Variants in KCTD12 observed in about 807,000 individuals in gnomAD.
KCTD12 encodes potassium channel tetramerization domain containing 12.
In KCTD12, 16 loss-of-function variants were observed where a neutral mutation model predicts 22.6. That is an observed-to-expected ratio of 0.71 (90% CI 0.48 to 1.07). The LOEUF (loss-of-function observed/expected upper bound fraction) is 1.07. Ranked by LOEUF, KCTD12 falls within the 50% of genes least tolerant of loss-of-function variation. The pLI is 0.00. For synonymous variants in KCTD12, 260 were observed against 228.0 expected (o/e 1.14, Z -1.26); for missense variants, 452 against 469.2 (o/e 0.96, Z 0.34).
In KCTD12 at chr13:76,884,348, C is replaced by T. The variant is rs2033237064; in HGVS notation, c.*823G>A. 6.6e-6 allele frequency: 1 copy of T among 152,212 alleles called. No homozygotes were observed. The highest frequency in any genetic ancestry group is 1.5e-5 in the Non-Finnish European group (1 of 68,050). The allele number at this position is 152,212 out of a possible 1,614,324, so 9.4% of individuals were successfully genotyped here. A position where few individuals can be genotyped will look rare whatever the true frequency, so the allele number is the denominator to read the frequency against. On this transcript the variant is annotated 3_prime_UTR_variant, in exon 1 of 1. Transcript: ENST00000377474. Reference sequence around the variant, plus strand: ...GCCTTGCACTCTTAGGCGGCAGCGTCCTTTCTCCCTCTTGCCAGTAACTGC... The same window carrying T: ...GCCTTGCACTCTTAGGCGGCAGCGTTCTTTCTCCCTCTTGCCAGTAACTGC...
At position 76,886,161 on chromosome 13, in the gene KCTD12, G is replaced by T. The variant is rs1566376132; in HGVS notation, c.-13C>A. 1 of 1,479,264 alleles carries T rather than the reference G, an allele frequency of 6.8e-7. No homozygotes were observed. Among genetic ancestry groups the T allele is most frequent in the East Asian group, 2.6e-5 (1 of 37,886 alleles). 91.6% of individuals were successfully genotyped at this position (1,479,264 alleles called of 1,614,324 possible). On this transcript the variant is annotated 5_prime_UTR_variant, in exon 1 of 1. Coordinates refer to ENST00000377474, the MANE Select transcript of KCTD12 (RefSeq NM_138444.4). Reference sequence around the variant, plus strand: ...CCGCCAGAGCCATGACAGAGAGGTGGCCGGGCCGGGACAGTGGCAGGAAGC... The same window carrying T: ...CCGCCAGAGCCATGACAGAGAGGTGTCCGGGCCGGGACAGTGGCAGGAAGC...
rs1415838074 is a variant in KCTD12, at chr13:76,886,221, G to A, written c.-73C>T. Reference sequence around the variant, plus strand: ...CTCAGGAGCTGCAACCGCCTTCCCCGGAGCCCCGGAACCCGGACGCTCGCT... The same window carrying A: ...CTCAGGAGCTGCAACCGCCTTCCCCAGAGCCCCGGAACCCGGACGCTCGCT... On this transcript the variant is annotated 5_prime_UTR_variant, in exon 1 of 1. Transcript: ENST00000377474. 2.2e-5 allele frequency: 30 copies of A among 1,380,886 alleles called. No homozygotes were observed. The East Asian group carries it at 3.0e-4, about 14-fold the overall frequency. 85.5% of individuals were successfully genotyped at this position (1,380,886 alleles called of 1,614,324 possible).
rs2033217922 is a variant in KCTD12, at chr13:76,882,753, AAACTCAAC to A, written c.*2410_*2417del. 2 of 114,974 alleles carry A rather than the reference AAACTCAAC, an allele frequency of 1.7e-5. No individual in the cohort carries two copies. Among genetic ancestry groups the A allele is most frequent in the African/African-American group, 9.8e-5 (2 of 20,508 alleles). 7.1% of individuals were successfully genotyped at this position (114,974 alleles called of 1,614,324 possible). ...CTGATGCATTACTTAGTCTGAGACC[AAACTCAAC>A]ATACAAGCAAGCACAACTTCCTAGA... On this transcript the variant is annotated 3_prime_UTR_variant, in exon 1 of 1. Coordinates refer to ENST00000377474, the MANE Select transcript of KCTD12 (RefSeq NM_138444.4).
In KCTD12 at chr13:76,886,226, C is replaced by G; in HGVS notation, c.-78G>C. The G allele has an allele frequency of 7.3e-7, 1 of 1,375,480 alleles. No homozygotes were observed. The highest frequency in any genetic ancestry group is 9.3e-7 in the Non-Finnish European group (1 of 1,072,406). 85.2% of individuals were successfully genotyped at this position (1,375,480 alleles called of 1,614,324 possible). On this transcript the variant is annotated 5_prime_UTR_variant, in exon 1 of 1. Transcript: ENST00000377474. ...GAGCTGCAACCGCCTTCCCCGGAGC[C>G]CCGGAACCCGGACGCTCGCTCAGCC...
chr13:76,885,010 T>C lies in KCTD12; in HGVS notation c.*161A>G, dbSNP rs1485216453. 3 of 733,372 alleles carry C rather than the reference T, an allele frequency of 4.1e-6. No individual in the cohort carries two copies. Among genetic ancestry groups the C allele is most frequent in the African/African-American group, 1.8e-5 (1 of 56,600 alleles). The allele number at this position is 733,372 out of a possible 1,614,324, so 45.4% of individuals were successfully genotyped here. A position where few individuals can be genotyped will look rare whatever the true frequency, so the allele number is the denominator to read the frequency against. On this transcript the variant is annotated 3_prime_UTR_variant, in exon 1 of 1. Coordinates refer to ENST00000377474, the MANE Select transcript of KCTD12 (RefSeq NM_138444.4). The surrounding 1 kb of genome is among the most constrained non-coding windows in gnomAD (Gnocchi z 5.1). The stretch of plus-strand genomic sequence containing the variant: ...AGAGGATTTGCGGCTGCAGGTTCTG[T>C]AGTGGAGGGAAGGTGGGCGGACAGG...
rs1381821580 is a variant in KCTD12 at position 76,885,885 on chromosome 13, G to A, written c.264C>T (p.Leu88=). ...GCAGGTAATCCAGGATGTAGCGGAAGAGGAAGCCGTCCCGGTCCAGAAAGA... is the reference window on the plus strand; with the variant it reads ...GCAGGTAATCCAGGATGTAGCGGAAAAGGAAGCCGTCCCGGTCCAGAAAGA... The part of the protein sequence containing the change: ...GRFFLDRDGF[L]FRYILDYLRD... The change falls in exon 1 of 1, where the codon CTC becomes CTT. Residue 88 remains leucine (L), a synonymous_variant. Transcript: ENST00000377474. This position sits in a 1 kb window ranked among gnomAD's most constrained non-coding sequence, Gnocchi z 5.1. 3 of 1,597,254 alleles carry A rather than the reference G, an allele frequency of 1.9e-6. No homozygotes were observed. The highest frequency in any genetic ancestry group is 1.3e-5 in the African/African-American group (1 of 74,874).
chr13:76,885,945 C>G lies in KCTD12; in HGVS notation c.204G>C (p.Gln68His), dbSNP rs116710456. Residue 68 changes from glutamine to histidine, a missense_variant, in exon 1 of 1, where the codon CAG becomes CAC. By Grantham distance (24) the Gln-to-His change is conservative. Coordinates refer to ENST00000377474, the MANE Select transcript of KCTD12 (RefSeq NM_138444.4). The surrounding 1 kb of genome is among the most constrained non-coding windows in gnomAD (Gnocchi z 5.1). The part of the protein sequence containing the change: ...SLLWRMFTQQ[Q>H]PQELARDSKG... ...TGCTGTCCCGGGCCAGCTCCTGCGGCTGCTGCTGCGTGAACATGCGCCAGA... is the reference window on the plus strand; with the variant it reads ...TGCTGTCCCGGGCCAGCTCCTGCGGGTGCTGCTGCGTGAACATGCGCCAGA... 5 of 1,591,238 alleles carry G rather than the reference C, an allele frequency of 3.1e-6. No homozygotes were observed. The highest frequency in any genetic ancestry group is 4.3e-6 in the Non-Finnish European group (5 of 1,176,464).
rs1486346712 is a variant in KCTD12 at position 76,882,083 on chromosome 13, T to C, written c.*3088A>G. ...AAATGAACCCACAATACCTCCACTA[T>C]TACAGCTTATAGGAAATTACAATCC... On this transcript the variant is annotated 3_prime_UTR_variant, in exon 1 of 1. Coordinates refer to ENST00000377474, the MANE Select transcript of KCTD12 (RefSeq NM_138444.4). 6.6e-6 allele frequency: 1 copy of C among 152,170 alleles called. No individual in the cohort carries two copies. The highest frequency in any genetic ancestry group is 1.9e-4 in the East Asian group (1 of 5,194). The allele number at this position is 152,170 out of a possible 1,614,324, so 9.4% of individuals were successfully genotyped here.
rs1198036796 is a variant in KCTD12, at chr13:76,884,442, G to A, written c.*729C>T. 1 of 152,260 alleles carries A rather than the reference G, an allele frequency of 6.6e-6. No homozygotes were observed. The highest frequency in any genetic ancestry group is 2.4e-5 in the African/African-American group (1 of 41,476). The allele number at this position is 152,260 out of a possible 1,614,324, so 9.4% of individuals were successfully genotyped here. A position where few individuals can be genotyped will look rare whatever the true frequency, so the allele number is the denominator to read the frequency against. On this transcript the variant is annotated 3_prime_UTR_variant, in exon 1 of 1. Coordinates refer to ENST00000377474, the MANE Select transcript of KCTD12 (RefSeq NM_138444.4). The stretch of plus-strand genomic sequence containing the variant: ...GCTGAAAAGGGCGCCTCTGCAGGCA[G>A]GCGGATCACTTTCTATAAGTTTAAG...
chr13:76,885,100 A>G lies in KCTD12; in HGVS notation c.*71T>C, dbSNP rs2033247614. ...AGCAGCCAGGGGACAAAGGTGGGAC[A>G]AGAGGCTCTGTAATCATCTCTCGGG... On this transcript the variant is annotated 3_prime_UTR_variant, in exon 1 of 1. Transcript: ENST00000377474. This position sits in a 1 kb window ranked among gnomAD's most constrained non-coding sequence, Gnocchi z 5.1. 6.5e-7 allele frequency: 1 copy of G among 1,537,140 alleles called. No individual in the cohort carries two copies. Among genetic ancestry groups the G allele is most frequent in the Non-Finnish European group, 8.8e-7 (1 of 1,135,178 alleles).
In KCTD12 at chr13:76,885,051, A is replaced by G; in HGVS notation, c.*120T>C. ...GGCGGACAGGTCTCACCCAGCTACT[A>G]CTGGAGGGGGAGAATGGGAGGGCAG... is the stretch of plus-strand genomic sequence containing the variant. On this transcript the variant is annotated 3_prime_UTR_variant, in exon 1 of 1. Transcript: ENST00000377474. This position sits in a 1 kb window ranked among gnomAD's most constrained non-coding sequence, Gnocchi z 5.1. 1 of 1,121,602 alleles carries G rather than the reference A, an allele frequency of 8.9e-7. No homozygotes were observed. Among genetic ancestry groups the G allele is most frequent in the Admixed American group, 2.5e-5 (1 of 40,102 alleles). 69.5% of individuals were successfully genotyped at this position (1,121,602 alleles called of 1,614,324 possible).
rs752612932 is a variant in KCTD12, at chr13:76,885,142, C to T, written c.*29G>A. On this transcript the variant is annotated 3_prime_UTR_variant, in exon 1 of 1. Transcript: ENST00000377474. The surrounding 1 kb of genome is among the most constrained non-coding windows in gnomAD (Gnocchi z 5.1). ...TCTCTCGGGCAGGAGAAGGACTGGGCGCTGGAGTGGCGAGGGGGTCTGGGG... is the reference window on the plus strand; with the variant it reads ...TCTCTCGGGCAGGAGAAGGACTGGGTGCTGGAGTGGCGAGGGGGTCTGGGG... 5 of 1,596,936 alleles carry T rather than the reference C, an allele frequency of 3.1e-6. No homozygotes were observed. The Admixed American group carries it at 5.1e-5, about 16-fold the overall frequency.
Position 76,886,256 on chromosome 13 carries a change from GCCCCGCCGCCGCCGCCGCCGC to G in KCTD12, c.-129_-109del, listed in dbSNP as rs2033271944. On this transcript the variant is annotated 5_prime_UTR_variant, in exon 1 of 1. Transcript: ENST00000377474. ...AACCCGGACGCTCGCTCAGCCCTGC[GCCCCGCCGCCGCCGCCGCCGC>G]CACCGCCGCCACCGCCACCGCCGCC... 3 of 1,272,198 alleles carry G rather than the reference GCCCCGCCGCCGCCGCCGCCGC, an allele frequency of 2.4e-6. 1 individual carries two copies. Among genetic ancestry groups the G allele is most frequent in the Non-Finnish European group, 1.0e-6 (1 of 1,000,976 alleles). 78.8% of individuals were successfully genotyped at this position (1,272,198 alleles called of 1,614,324 possible).
Position 76,885,245 on chromosome 13 carries a change from A to G in KCTD12, c.904T>C (p.Phe302Leu). 1 of 1,614,032 alleles carries G rather than the reference A, an allele frequency of 6.2e-7. No homozygotes were observed. Among genetic ancestry groups the G allele is most frequent in the Non-Finnish European group, 8.5e-7 (1 of 1,179,994 alleles). ...VACSSTGTCA[F>L]ASSTDQSEDK... The stretch of plus-strand genomic sequence containing the variant: ...TCGCTCTGGTCGGTGCTGCTGGCAA[A>G]GGCGCAGGTGCCCGTGGAGCTGCAC... The change falls in exon 1 of 1, where the codon TTT (phenylalanine) becomes CTT (leucine). Residue 302 changes from phenylalanine to leucine, a missense_variant. Physicochemically the swap from Phe to Leu is conservative, Grantham distance 22 (BLOSUM62 0). Transcript: ENST00000377474. This position sits in a 1 kb window ranked among gnomAD's most constrained non-coding sequence, Gnocchi z 5.1.
rs1170234910 is a variant in KCTD12, at chr13:76,884,009, T to C, written c.*1162A>G. 1 of 152,664 alleles carries C rather than the reference T, an allele frequency of 6.6e-6. No homozygotes were observed. Among genetic ancestry groups the C allele is most frequent in the African/African-American group, 2.4e-5 (1 of 41,458 alleles). The allele number at this position is 152,664 out of a possible 1,614,324, so 9.5% of individuals were successfully genotyped here. A position where few individuals can be genotyped will look rare whatever the true frequency, so the allele number is the denominator to read the frequency against. On this transcript the variant is annotated 3_prime_UTR_variant, in exon 1 of 1. Transcript: ENST00000377474. ...CTGCCAGGTAAGAGTAGGTCTGTTATTAATCTTTATAAAATACTTGGCATG... is the reference window on the plus strand; with the variant it reads ...CTGCCAGGTAAGAGTAGGTCTGTTACTAATCTTTATAAAATACTTGGCATG...
chr13:76,880,896 CAT>C lies in KCTD12; in HGVS notation c.*4273_*4274del, dbSNP rs1017639481. The C allele has an allele frequency of 2.6e-5, 4 of 152,508 alleles. No individual in the cohort carries two copies. Among genetic ancestry groups the C allele is most frequent in the African/African-American group, 7.2e-5 (3 of 41,444 alleles). 9.4% of individuals were successfully genotyped at this position (152,508 alleles called of 1,614,324 possible). A position where few individuals can be genotyped will look rare whatever the true frequency, so the allele number is the denominator to read the frequency against. On this transcript the variant is annotated 3_prime_UTR_variant, in exon 1 of 1. Transcript: ENST00000377474. ...TTAACTAGTCCATCTTCCTACCACA[CAT>C]GATTATACTCTAATGTAGATATTCT...
rs770707030 is a variant in KCTD12 at position 76,886,097 on chromosome 13, C to A, written c.52G>T (p.Gly18Cys). The A allele has an allele frequency of 1.9e-6, 3 of 1,545,614 alleles. No individual in the cohort carries two copies. In the South Asian group the frequency reaches 3.6e-5, roughly 19 times the overall value. Residue 18 changes from glycine (G) to cysteine (C), a missense_variant, in exon 1 of 1, where the codon GGC (glycine) becomes TGC (cysteine). Coordinates refer to ENST00000377474, the MANE Select transcript of KCTD12 (RefSeq NM_138444.4). ...RGLPNGGGGG[G>C]GSGSSSSSAE... The stretch of plus-strand genomic sequence containing the variant: ...GAGGACGACGAGGAGCCACTGCCGC[C>A]CCCGCCGCCGCCCCCGTTGGGTAAT...
At position 76,886,060 on chromosome 13, in the gene KCTD12, G is replaced by C. The variant is rs2033267429; in HGVS notation, c.89C>G (p.Pro30Arg). 6.3e-7 allele frequency: 1 copy of C among 1,575,054 alleles called. No individual in the cohort carries two copies. The highest frequency in any genetic ancestry group is 8.6e-7 in the Non-Finnish European group (1 of 1,163,520). The change falls in exon 1 of 1, where the codon CCG becomes CGG. Residue 30 changes from proline (P) to arginine (R), a missense_variant. Pro to Arg is a moderately radical substitution (Grantham distance 103). Around this residue, in one of 2 missense-constraint regions of KCTD12, gnomAD observed 330 missense variants for 296.5 expected, o/e 1.11. Transcript: ENST00000377474. ...SGSSSSSAEPPLFPDIVELNV... is the reference protein window; with the variant it reads ...SGSSSSSAEPRLFPDIVELNV... ...CAGCTCCACGATGTCGGGGAAGAGC[G>C]GTGGCTCCGCGGAGGACGACGAGGA...
In KCTD12 at chr13:76,886,256, GCCCCGCCGCCGCCGCCGCCGCCAC is replaced by G; in HGVS notation, c.-132_-109del. ...AACCCGGACGCTCGCTCAGCCCTGC[GCCCCGCCGCCGCCGCCGCCGCCAC>G]CGCCGCCACCGCCACCGCCGCCACC... On this transcript the variant is annotated 5_prime_UTR_variant, in exon 1 of 1. Coordinates refer to ENST00000377474, the MANE Select transcript of KCTD12 (RefSeq NM_138444.4). 2 of 1,272,198 alleles carry G rather than the reference GCCCCGCCGCCGCCGCCGCCGCCAC, an allele frequency of 1.6e-6. No individual in the cohort carries two copies. Among genetic ancestry groups the G allele is most frequent in the Non-Finnish European group, 2.0e-6 (2 of 1,000,976 alleles). The allele number at this position is 1,272,198 out of a possible 1,614,324, so 78.8% of individuals were successfully genotyped here.
Sources: gnomAD v4.1 joint callset for allele counts on GRCh38, gnomAD v4.1.1 for gene constraint, gnomAD v4.1.1 regional missense constraint, Gnocchi (gnomAD v3.1) non-coding constraint, MANE v1.5 for transcripts, NCBI Gene and HGNC (gene_info 2026-07-23, HGNC 2026-07-21) for gene names.